The following DENND1B variants were observed in gnomAD, a reference collection of about 807,000 sequenced individuals.
DENND1B encodes DENN domain-containing protein 1B.
A neutral mutation model predicts 90.1 loss-of-function variants in DENND1B; 59 were observed. The ratio of observed to expected loss-of-function variants is 0.65; its 90% CI spans 0.53 to 0.81. DENND1B has a LOEUF of 0.81. Ranked by LOEUF, DENND1B falls within the 40% of genes least tolerant of loss-of-function variation. The probability of loss-of-function intolerance (pLI) is 0.00; values close to 1 mark genes in which losing one functional copy is unlikely to be tolerated. For missense variants in DENND1B, 862 were observed against 912.6 expected, an observed-to-expected ratio of 0.94 and a Z score of 0.71; for synonymous variants, 337 against 324.6, an observed-to-expected ratio of 1.04 and a Z score of -0.41.
intron 15 of DENND1B, among the ~76,000 whole-genome samples, chr1:197,567,720 A>T (rs1025898590): frequency 1.3e-5 from 2 of 152,200 alleles, no homozygotes; most frequent in Non-Finnish European, 2.9e-5. Context: ...AAACCTTATG[A>T]TCACATCAAC....
At chr1:197,534,508 T>C (rs1469673276) in intron 20 of DENND1B, among the ~76,000 whole-genome samples, 1 of 152,196 alleles carries the variant, frequency 6.6e-6, no homozygotes, top group East Asian at 1.9e-4. Context: ...AATGACTGGG[T>C]AATTCATAAG....
chr1:197,669,189 T>C (rs1284505016), intron 5 of DENND1B, among the ~76,000 whole-genome samples: 1 of 152,136 alleles, frequency 6.6e-6, no homozygotes, highest in African/African-American at 2.4e-5. Context: ...CATACAAGCA[T>C]TTTCATCATT....
chr1:197,537,215 C>T (rs1669977018), intron 20 of DENND1B, among the ~76,000 whole-genome samples: 1 of 152,066 alleles, frequency 6.6e-6, no homozygotes. Flanking sequence ...ACATTTGCAT[C>T]ACAATTCTAA....
At chr1:197,620,398 T>C (rs1295285378) in intron 10 of DENND1B, among the ~76,000 whole-genome samples, 1 of 151,308 alleles carries the variant, frequency 6.6e-6, no homozygotes, top group Non-Finnish European at 1.5e-5. Flanking sequence ...TCTACAAATA[T>C]AACCATGTCT....
At chr1:197,593,537 TA>T (rs1675426609) in intron 14 of DENND1B, among the ~76,000 whole-genome samples, 1 of 151,758 alleles carries the variant, frequency 6.6e-6, no homozygotes, top group African/African-American at 2.4e-5. Context: ...GATTTTTTTT[TA>T]AAAAGTCACT....
chr1:197,669,122 G>A (rs1655233002), intron 5 of DENND1B, among the ~76,000 whole-genome samples: 1 of 152,090 alleles, frequency 6.6e-6, no homozygotes. Context: ...TATAGTGGTT[G>A]TAAATATATT....
At chr1:197,593,558 T>A (rs763089291) in intron 14 of DENND1B, among the ~76,000 whole-genome samples, 19 of 151,942 alleles carry the variant, frequency 1.3e-4, no homozygotes, top group Non-Finnish European at 2.4e-4. Context: ...TGAAATCTTA[T>A]ACTCCTATCT....
chr1:197,759,497 CT>C (rs953753353), intron 2 of DENND1B, among the ~76,000 whole-genome samples: 4 of 151,150 alleles, frequency 2.6e-5, no homozygotes, highest in African/African-American at 9.7e-5. Context: ...ATGAAAGTAT[CT>C]GCACCATCTT....
intron 7 of DENND1B, among the ~76,000 whole-genome samples, chr1:197,647,942 C>T (rs372011337): frequency 2.2e-5 from 3 of 135,156 alleles, no homozygotes; most frequent in African/African-American, 8.2e-5. Context: ...AGCGAAACTC[C>T]ACTTCAAAAA....
Position 197,595,299 on chromosome 1 carries a change from G to T in DENND1B, c.956C>A (p.Ser319Tyr). Residue 319 changes from serine (S) to tyrosine (Y), a missense_variant, in exon 14 of 23, where the codon TCT (serine) becomes TAT (tyrosine). By Grantham distance (144) the Ser-to-Tyr change is moderately radical (BLOSUM62 -2). Coordinates refer to ENST00000620048, the MANE Select transcript of DENND1B (RefSeq NM_001195215.2). Reference sequence around the variant, plus strand: ...AGCTACTCCATCACCCGTAGCTGTAGACTGCTTCTTCAGTTTATTTTTCAA... The same window carrying T: ...AGCTACTCCATCACCCGTAGCTGTATACTGCTTCTTCAGTTTATTTTTCAA... Reference protein sequence around the residue: ...SALKNKLKKQSTATGDGVARA... With the variant: ...SALKNKLKKQYTATGDGVARA... The T allele has an allele frequency of 6.2e-7, 1 of 1,613,202 alleles. No individual in the cohort carries two copies. Among genetic ancestry groups the T allele is most frequent in the Non-Finnish European group, 8.5e-7 (1 of 1,179,338 alleles).
At chr1:197,666,705 T>C (rs1654968841) in intron 5 of DENND1B, among the ~76,000 whole-genome samples, 1 of 152,234 alleles carries the variant, frequency 6.6e-6, no homozygotes, top group South Asian at 2.1e-4. Flanking sequence ...TTCTCTCATA[T>C]ACTTCTGGAA....
chr1:197,574,475 A>G (rs1318053377), intron 15 of DENND1B, among the ~76,000 whole-genome samples: 1 of 152,218 alleles, frequency 6.6e-6, no homozygotes, highest in Non-Finnish European at 1.5e-5. Context: ...TTCCACATTC[A>G]TGGATAGGAA....
At chr1:197,570,669 G>T (rs183398577) in intron 15 of DENND1B, among the ~76,000 whole-genome samples, 119 of 152,134 alleles carry the variant, frequency 7.8e-4, no homozygotes, top group African/African-American at 1.7e-3. Flanking sequence ...TTCTCTTTTG[G>T]TCATAAAGAG....
chr1:197,540,184 C>A, intron 19 of DENND1B, 113 bp from the exon 20 acceptor site: 2 of 514,858 alleles, frequency 3.9e-6, no homozygotes, highest in Non-Finnish European at 6.4e-6. Flanking sequence ...AATAACACTT[C>A]AGCTTTAAGT....
intron 14 of DENND1B, among the ~76,000 whole-genome samples, chr1:197,585,526 T>C (rs777917313): frequency 1.4e-4 from 22 of 152,218 alleles, no homozygotes; most frequent in Non-Finnish European, 3.1e-4. Context: ...AAGAATTCTG[T>C]CCTCATTAAC....
At chr1:197,773,091 C>A (rs1471136667) in intron 1 of DENND1B, 159 bp from the exon 2 acceptor site, 6 of 680,860 alleles carry the variant, frequency 8.8e-6, no homozygotes. Context: ...ACTGTTTTCT[C>A]AATTGAGCAA....
chr1:197,518,602 G>A (rs1339711829), intron 20 of DENND1B, among the ~76,000 whole-genome samples: 1 of 151,886 alleles, frequency 6.6e-6, no homozygotes, highest in African/African-American at 2.4e-5. Flanking sequence ...ATAGCAAATA[G>A]CAGAGACTAT....
At chr1:197,574,003 CA>C (rs1248661856) in intron 15 of DENND1B, among the ~76,000 whole-genome samples, 1 of 152,162 alleles carries the variant, frequency 6.6e-6, no homozygotes, top group Admixed American at 6.5e-5. Flanking sequence ...ACTGAATGGG[CA>C]AAAACTGGAA....
chr1:197,578,175 C>A (rs1197372074), intron 15 of DENND1B, among the ~76,000 whole-genome samples: 1 of 152,022 alleles, frequency 6.6e-6, no homozygotes, highest in Admixed American at 6.6e-5. Flanking sequence ...GTACAGTGAC[C>A]ACAGTTAATA....
Sources: allele counts gnomAD v4.1 joint callset (sites outside exome capture counted in the v4.1 genomes callset), GRCh38; gene constraint gnomAD v4.1.1; transcripts MANE v1.5; gene names NCBI Gene and HGNC (gene_info 2026-07-23, HGNC 2026-07-21).